Variants in RNF217 observed in about 807,000 individuals in gnomAD.
RNF217 encodes the protein E3 ubiquitin-protein ligase RNF217.
A neutral mutation model predicts 57.8 loss-of-function variants in RNF217; 31 were observed. That is an observed-to-expected ratio of 0.54 (90% CI 0.40 to 0.72). RNF217 has a LOEUF of 0.72. Ranked by LOEUF, RNF217 falls within the 30% of genes least tolerant of loss-of-function variation. The pLI is 0.00. For synonymous variants in RNF217, 313 were observed against 294.0 expected (o/e 1.06, Z -0.66); for missense variants, 696 against 708.3 (o/e 0.98, Z 0.20).
At chr6:125,064,298 T>A (rs191807416) in intron 3 of RNF217, among the ~76,000 whole-genome samples, 21 of 152,286 alleles carry the variant, frequency 1.4e-4, no homozygotes, top group Non-Finnish European at 2.5e-4. Context: ...GGGGTTATCA[T>A]TGGCACTGTT....
chr6:125,025,205 T>C (rs776585602), intron 1 of RNF217, among the ~76,000 whole-genome samples: 5 of 152,148 alleles, frequency 3.3e-5, no homozygotes, highest in African/African-American at 7.2e-5. Context: ...GATAATTTTG[T>C]AGAGAATGAC....
At chr6:125,069,072 C>G (rs1410193324) in intron 3 of RNF217, among the ~76,000 whole-genome samples, 1 of 152,086 alleles carries the variant, frequency 6.6e-6, no homozygotes. Context: ...TTGTACGGCT[C>G]TACCCTGAGG....
intron 1 of RNF217, among the ~76,000 whole-genome samples, chr6:124,982,307 C>A (rs59911756): frequency 0.29 from 43,508 of 152,000 alleles, 7,569 homozygotes; most frequent in South Asian, 0.47. Flanking sequence ...CAAGAAGTTT[C>A]TCTGTAAATG....
At chr6:124,986,059 C>G (rs1232148746) in intron 1 of RNF217, among the ~76,000 whole-genome samples, 1 of 152,102 alleles carries the variant, frequency 6.6e-6, no homozygotes, top group African/African-American at 2.4e-5. Context: ...TAATTTCTTT[C>G]ATTGCCTTTT....
At chr6:125,030,080 A>T (rs1269026046) in intron 1 of RNF217, among the ~76,000 whole-genome samples, 1 of 152,170 alleles carries the variant, frequency 6.6e-6, no homozygotes, top group African/African-American at 2.4e-5. Context: ...AATGAAGAAG[A>T]AGCAAAAGCA....
chr6:125,037,692 T>G (rs1017795017), intron 1 of RNF217, among the ~76,000 whole-genome samples: 7 of 152,158 alleles, frequency 4.6e-5, no homozygotes, highest in Admixed American at 1.3e-4. Flanking sequence ...CACCTCAAAG[T>G]AATTAATCCA....
chr6:124,978,654 C>T (rs376760580), intron 1 of RNF217, among the ~76,000 whole-genome samples: 18 of 152,162 alleles, frequency 1.2e-4, no homozygotes, highest in African/African-American at 3.9e-4. Flanking sequence ...TTATTCTCGT[C>T]GCCCACAGCT....
In RNF217 at chr6:124,962,945, A is replaced by T; in HGVS notation, c.401A>T (p.Glu134Val). 6 of 1,597,798 alleles carry T rather than the reference A, an allele frequency of 3.8e-6. No individual in the cohort carries two copies. The highest frequency in any genetic ancestry group is 5.1e-6 in the Non-Finnish European group (6 of 1,179,580). Residue 134 changes from glutamate to valine, a missense_variant, in exon 1 of 6, where the codon GAG (glutamate) becomes GTG (valine). By Grantham distance (121) the Glu-to-Val change is moderately radical. Coordinates refer to ENST00000521654, the MANE Select transcript of RNF217 (RefSeq NM_001286398.3). The surrounding 1 kb of genome is among the most constrained non-coding windows in gnomAD (Gnocchi z 4.6). The stretch of plus-strand genomic sequence containing the variant: ...GAGGCGCCCCCCGGCGAAGAGCTGG[A>T]GCCCAGGACCCGCGTGGGGGCCGCC... ...QQEAPPGEEL[E>V]PRTRVGAADG...
chr6:124,962,774 G>C lies in RNF217; in HGVS notation c.230G>C (p.Gly77Ala). The stretch of plus-strand genomic sequence containing the variant: ...CCCGCGAGGAGCCTGGGGCCCCCGG[G>C]CTGGAGTAAGAGCCGAGCACCGGCG... ...PEPARSLGPP[G>A]WSKSRAPAQP... The change falls in exon 1 of 6, where the codon GGC (glycine) becomes GCC (alanine). Residue 77 changes from glycine (G) to alanine (A), a missense_variant. Coordinates refer to ENST00000521654, the MANE Select transcript of RNF217 (RefSeq NM_001286398.3). This position sits in a 1 kb window ranked among gnomAD's most constrained non-coding sequence, Gnocchi z 4.6. 6.3e-7 allele frequency: 1 copy of C among 1,595,654 alleles called. No individual in the cohort carries two copies. Among genetic ancestry groups the C allele is most frequent in the Non-Finnish European group, 8.5e-7 (1 of 1,179,148 alleles).
At chr6:125,003,832 T>A (rs1785072772) in intron 1 of RNF217, among the ~76,000 whole-genome samples, 1 of 152,146 alleles carries the variant, frequency 6.6e-6, no homozygotes, top group African/African-American at 2.4e-5. Flanking sequence ...TCTTATATGC[T>A]ATGTCTTGTA....
chr6:125,092,389 TA>T lies in RNF217; in HGVS notation c.*9458del, dbSNP rs1361591912. On this transcript the variant is annotated 3_prime_UTR_variant, in exon 6 of 6. Transcript: ENST00000521654. The stretch of plus-strand genomic sequence containing the variant: ...ACCTTTTGTTGTGGTTGGGCTTTTA[TA>T]AAAAATTATTTTCGGTTGGTTGTTG... 1.3e-5 allele frequency: 2 copies of T among 152,196 alleles called. No individual in the cohort carries two copies. The highest frequency in any genetic ancestry group is 4.8e-5 in the African/African-American group (2 of 41,442). 9.4% of individuals were successfully genotyped at this position (152,196 alleles called of 1,614,324 possible).
chr6:124,962,696 G>A lies in RNF217; in HGVS notation c.152G>A (p.Ser51Asn), dbSNP rs1011222494. Reference sequence around the variant, plus strand: ...CTGCGCGCCGCCTCCGCGGAGCCGAGCGGCGGTGGCTGCGGAAGCGACTGG... The same window carrying A: ...CTGCGCGCCGCCTCCGCGGAGCCGAACGGCGGTGGCTGCGGAAGCGACTGG... ...PPLRAASAEP[S>N]GGGCGSDWGC... The change falls in exon 1 of 6, where the codon AGC becomes AAC. Residue 51 changes from serine (S) to asparagine (N), a missense_variant. Physicochemically the swap from Ser to Asn is conservative, Grantham distance 46 (BLOSUM62 1). Coordinates refer to ENST00000521654, the MANE Select transcript of RNF217 (RefSeq NM_001286398.3). The surrounding 1 kb of genome is among the most constrained non-coding windows in gnomAD (Gnocchi z 4.6). The A allele has an allele frequency of 1.4e-5, 20 of 1,395,800 alleles. No individual in the cohort carries two copies. The African/African-American group carries it at 2.6e-4, about 18-fold the overall frequency. The allele number at this position is 1,395,800 out of a possible 1,614,324, so 86.5% of individuals were successfully genotyped here.
intron 1 of RNF217, among the ~76,000 whole-genome samples, chr6:124,977,590 T>C (rs558395116): frequency 1.3e-5 from 2 of 152,318 alleles, no homozygotes. Flanking sequence ...TTTTGGCTTA[T>C]TACAATCTAA....
chr6:125,001,255 T>G (rs1784971015), intron 1 of RNF217, among the ~76,000 whole-genome samples: 1 of 152,202 alleles, frequency 6.6e-6, no homozygotes, highest in African/African-American at 2.4e-5. Context: ...TTTTCTTGTA[T>G]TTTTAATGTG....
At chr6:125,007,811 A>G (rs1785248214) in intron 1 of RNF217, among the ~76,000 whole-genome samples, 1 of 152,226 alleles carries the variant, frequency 6.6e-6, no homozygotes, top group Non-Finnish European at 1.5e-5. Flanking sequence ...CAAGACTCCC[A>G]GTGGATACCT....
At chr6:125,054,392 C>T (rs908351030) in intron 2 of RNF217, among the ~76,000 whole-genome samples, 2 of 152,178 alleles carry the variant, frequency 1.3e-5, no homozygotes, top group Non-Finnish European at 2.9e-5. Context: ...AGGCAGGCCT[C>T]ATAGAGAATC....
chr6:125,012,811 C>G (rs1562467486), intron 1 of RNF217, among the ~76,000 whole-genome samples: 1 of 152,064 alleles, frequency 6.6e-6, no homozygotes, highest in Non-Finnish European at 1.5e-5. Context: ...CTGTGTTCAT[C>G]TTTGAATTTC....
intron 3 of RNF217, among the ~76,000 whole-genome samples, chr6:125,066,551 A>C (rs1052342902): frequency 6.6e-6 from 1 of 152,036 alleles, no homozygotes; most frequent in Non-Finnish European, 1.5e-5. Context: ...CTCACTTCTT[A>C]CATGTTTTTG....
chr6:125,059,407 C>T (rs1787645264), intron 3 of RNF217, among the ~76,000 whole-genome samples: 1 of 152,138 alleles, frequency 6.6e-6, no homozygotes, highest in Admixed American at 6.5e-5. Context: ...TCCCCCCTTT[C>T]TCTTGCCTTT....
Sources: gnomAD v4.1 joint callset for allele counts (sites outside exome capture counted in the v4.1 genomes callset) on GRCh38, gnomAD v4.1.1 for gene constraint, Gnocchi (gnomAD v3.1) non-coding constraint, MANE v1.5 for transcripts, NCBI Gene and HGNC (gene_info 2026-07-23, HGNC 2026-07-21) for gene names.